Variants in MROH2A observed in about 807,000 individuals in gnomAD.
MROH2A encodes the protein maestro heat like repeat family member 2A.
Under a neutral mutation model 200.4 loss-of-function variants are expected in MROH2A, and 174 were observed. The observed-to-expected ratio is 0.87, with a 90% CI of 0.77 to 0.98. The LOEUF is 0.98. Among genes scored for constraint, MROH2A ranks in the 50% least tolerant of loss-of-function variants. MROH2A has a pLI of 0.00. For synonymous variants in MROH2A, 829 were observed against 840.4 expected (o/e 0.99, Z 0.23); for missense variants, 2,045 against 2,139.6 (o/e 0.96, Z 0.87).
At chr2:233,812,025 T>C in intron 24 of MROH2A, 66 bp downstream of exon 24, 2 of 1,131,476 alleles carry the variant, frequency 1.8e-6, no homozygotes, top group South Asian at 2.6e-5. Flanking sequence ...CATTCCTCGG[T>C]GCTCCTTCAG....
rs1703863381 is a variant in MROH2A, at chr2:233,820,469, C to T, written c.3512+413C>T. On this transcript the variant is annotated intron_variant, in intron 31 of 41. Coordinates refer to ENST00000389758, the MANE Select transcript of MROH2A (RefSeq NM_001394639.1). This position sits in a 1 kb window ranked among gnomAD's most constrained non-coding sequence, Gnocchi z 4.1. ...TCAAAATGTGTCCTAAGAGGGGAAG[C>T]GACTTGTCCCAGTCTCCAAGGGGAG... Among the ~76,000 whole-genome samples, 2 of 152,180 alleles carry T rather than the reference C, an allele frequency of 1.3e-5. No homozygotes were observed. Among genetic ancestry groups the T allele is most frequent in the Admixed American group, 1.3e-4 (2 of 15,288 alleles).
chr2:233,819,290 C>T, intron 29 of MROH2A, 27 bp from the exon 30 acceptor site: 1 of 1,541,262 alleles, frequency 6.5e-7, no homozygotes, highest in Non-Finnish European at 8.8e-7. Flanking sequence ...CAGGGGAGGG[C>T]AGGGGAGTCA....
chr2:233,788,678 C>G (rs1448513063), intron 3 of MROH2A, among the ~76,000 whole-genome samples: 1 of 152,046 alleles, frequency 6.6e-6, no homozygotes. Context: ...TGGCTCACGC[C>G]TGTAATCCCA....
chr2:233,789,884 C>T lies in MROH2A; in HGVS notation c.441C>T (p.Ser147=), dbSNP rs753449276. ...GCTATATGAAGGCAGAGGTGGCCAGCGACACACTGGTGGCTCTGTCCCGAA... is the reference window on the plus strand; with the variant it reads ...GCTATATGAAGGCAGAGGTGGCCAGTGACACACTGGTGGCTCTGTCCCGAA... ...MEGYMKAEVA[S]DTLVALSRNH... is the part of the protein sequence containing the mutation. The change falls in exon 5 of 42, where the codon AGC becomes AGT. Residue 147 remains serine (S), a synonymous_variant. Transcript: ENST00000389758. 43 of 1,550,042 alleles carry T rather than the reference C, an allele frequency of 2.8e-5. No homozygotes were observed. The highest frequency in any genetic ancestry group is 4.1e-5 in the African/African-American group (3 of 73,022).
At chr2:233,819,490 C>A in intron 30 of MROH2A, 21 bp downstream of exon 30, 1 of 1,547,210 alleles carries the variant, frequency 6.5e-7, no homozygotes, top group Non-Finnish European at 8.7e-7. Context: ...CGCGGCAGGG[C>A]CACCAGAGAG....
At chr2:233,824,809 CT>C (rs1332430415) in intron 35 of MROH2A, among the ~76,000 whole-genome samples, 1 of 152,128 alleles carries the variant, frequency 6.6e-6, no homozygotes, top group African/African-American at 2.4e-5. Context: ...TTAGGTTCAG[CT>C]TTTTTGGTTC....
Position 233,831,671 on chromosome 2 carries a change from G to A in MROH2A, c.4734+131G>A, listed in dbSNP as rs28900702. The A allele has an allele frequency of 0.021, 21,660 of 1,015,732 alleles. 2,966 individuals are homozygous for A. In the African/African-American group the frequency reaches 0.3, roughly 14 times the overall value. The allele number at this position is 1,015,732 out of a possible 1,614,324, so 62.9% of individuals were successfully genotyped here. A position where few individuals can be genotyped will look rare whatever the true frequency, so the allele number is the denominator to read the frequency against. ...CTTCCACACATGCCATGTCGAGACC[G>A]GCACTGTGCAGCAGAAATAGAAGGC... On this transcript the variant is annotated intron_variant, in intron 39 of 41. Transcript: ENST00000389758.
intron 9 of MROH2A, 74 bp downstream of exon 9, chr2:233,795,819 C>T: frequency 6.5e-7 from 1 of 1,549,512 alleles, no homozygotes; most frequent in Non-Finnish European, 8.7e-7. Flanking sequence ...CGGGAGGTGG[C>T]CTGGCCCACA....
chr2:233,832,168 T>A lies in MROH2A; in HGVS notation c.4735-9T>A. 1.3e-6 allele frequency: 2 copies of A among 1,550,180 alleles called. No individual in the cohort carries two copies. The highest frequency in any genetic ancestry group is 1.7e-6 in the Non-Finnish European group (2 of 1,146,680). On this transcript the variant is annotated splice_polypyrimidine_tract_variant and intron_variant, in intron 39 of 41. Transcript: ENST00000389758. ...CTCCAAAGCTGTGTGTATCACTTAC[T>A]TTTTGCAGACTCGGAAAAAGCCGGC...
chr2:233,804,277 G>C (rs1206761631), intron 17 of MROH2A, 85 bp downstream of exon 17: 1 of 1,504,688 alleles, frequency 6.6e-7, no homozygotes, highest in Non-Finnish European at 9.0e-7. Context: ...TGAATAACGA[G>C]AGCTGAGGCT....
intron 3 of MROH2A, among the ~76,000 whole-genome samples, chr2:233,788,896 G>T (rs1197800063): frequency 7.8e-6 from 1 of 128,452 alleles, no homozygotes; most frequent in Non-Finnish European, 1.5e-5. Flanking sequence ...GCGAAATCGC[G>T]CCACTGCACT....
At chr2:233,790,359 C>T (rs1057128144) in intron 5 of MROH2A, among the ~76,000 whole-genome samples, 1 of 147,902 alleles carries the variant, frequency 6.8e-6, no homozygotes, top group Non-Finnish European at 1.5e-5. Flanking sequence ...TCCTCTCCCT[C>T]CCCCTTTTTC....
intron 6 of MROH2A, among the ~76,000 whole-genome samples, chr2:233,793,128 G>A (rs1701887586): frequency 6.6e-6 from 1 of 152,208 alleles, no homozygotes; most frequent in South Asian, 2.1e-4. Context: ...GGAAGAAGCT[G>A]CAACGGTGAC....
At chr2:233,783,372 T>G (rs951788423) in intron 3 of MROH2A, among the ~76,000 whole-genome samples, 11 of 152,168 alleles carry the variant, frequency 7.2e-5, no homozygotes, top group African/African-American at 4.8e-5. Context: ...GATAAGAAAC[T>G]TTTTATTACT....
rs552173258 is a variant in MROH2A, at chr2:233,778,382, A to C, written c.-114A>C. The C allele has an allele frequency of 5.9e-6, 1 of 169,410 alleles. No individual in the cohort carries two copies. Among genetic ancestry groups the C allele is most frequent in the East Asian group, 1.9e-4 (1 of 5,186 alleles). The allele number at this position is 169,410 out of a possible 1,614,324, so 10.5% of individuals were successfully genotyped here. The stretch of plus-strand genomic sequence containing the variant: ...CCCAGCTGTCTCACTTTGATAACCA[A>C]TTCTTCCATTTGCATTTCCATTGAT... On this transcript the variant is annotated 5_prime_UTR_variant, in exon 1 of 42. Coordinates refer to ENST00000389758, the MANE Select transcript of MROH2A (RefSeq NM_001394639.1).
chr2:233,819,212 G>A (rs560741459), intron 29 of MROH2A, 105 bp from the exon 30 acceptor site: 70 of 1,186,510 alleles, frequency 5.9e-5, no homozygotes, highest in Middle Eastern at 2.1e-4. Flanking sequence ...TCTGAGAGAG[G>A]ATAGGAGCCT....
At chr2:233,779,561 T>A in intron 2 of MROH2A, 109 bp downstream of exon 2, 1 of 1,394,586 alleles carries the variant, frequency 7.2e-7, no homozygotes, top group African/African-American at 1.4e-5. Flanking sequence ...GTGGACATCA[T>A]ACCACACATG....
rs1317991190 is a variant in MROH2A at position 233,833,273 on chromosome 2, A to G, written c.*14A>G. 6.6e-7 allele frequency: 1 copy of G among 1,524,286 alleles called. No individual in the cohort carries two copies. The highest frequency in any genetic ancestry group is 8.8e-7 in the Non-Finnish European group (1 of 1,138,676). 94.4% of individuals were successfully genotyped at this position (1,524,286 alleles called of 1,614,324 possible). ...GGAATGTCCTAGGTGGTCCAAACAT[A>G]AGACGTAAACTGTCTTCTTAGTGCC... On this transcript the variant is annotated 3_prime_UTR_variant, in exon 42 of 42. Transcript: ENST00000389758.
At chr2:233,818,253 C>T in intron 28 of MROH2A, 128 bp downstream of exon 28, 1 of 1,165,374 alleles carries the variant, frequency 8.6e-7, no homozygotes, top group East Asian at 2.6e-5. Context: ...GAGACAAACA[C>T]AGGTGACCAT....
Sources: allele counts gnomAD v4.1 joint callset (sites outside exome capture counted in the v4.1 genomes callset), GRCh38; gene constraint gnomAD v4.1.1; non-coding constraint Gnocchi (gnomAD v3.1); transcripts MANE v1.5; gene names NCBI Gene and HGNC (gene_info 2026-07-23, HGNC 2026-07-21).